Variants in FARP1 observed in about 807,000 individuals in gnomAD.
The protein encoded by FARP1 is FERM, ARHGEF and pleckstrin domain-containing protein 1.
A neutral mutation model predicts 128.8 loss-of-function variants in FARP1; 52 were observed. That is an observed-to-expected ratio of 0.40 (90% confidence interval 0.32 to 0.51). The LOEUF (loss-of-function observed/expected upper bound fraction) is 0.51, where lower values mean the gene tolerates loss of function less well. Among genes scored for constraint, FARP1 ranks in the 20% least tolerant of loss-of-function variants. The pLI is 0.45. For synonymous variants in FARP1, 580 were observed against 551.8 expected (o/e 1.05, Z -0.72); for missense variants, 1,333 against 1,367.9 (o/e 0.97, Z 0.40).
chr13:98,162,276 C>G (rs1306753983), intron 1 of FARP1, among the ~76,000 whole-genome samples: 1 of 152,266 alleles, frequency 6.6e-6, no homozygotes, highest in East Asian at 1.9e-4. Context: ...GTGTGCCATG[C>G]CTGCGTACAA....
chr13:98,295,091 AC>A (rs2139678170), intron 2 of FARP1, among the ~76,000 whole-genome samples: 1 of 59,700 alleles, frequency 1.7e-5, no homozygotes, highest in South Asian at 5.9e-4. Context: ...ACACACACAC[AC>A]ACACACACAC....
chr13:98,339,888 G>T (rs191343734), intron 2 of FARP1, among the ~76,000 whole-genome samples: 63 of 152,272 alleles, frequency 4.1e-4, no homozygotes, highest in Admixed American at 9.2e-4. Context: ...GCCCTAAGGA[G>T]TGTGCAGTGC....
chr13:98,271,291 G>A (rs980695288), intron 2 of FARP1, among the ~76,000 whole-genome samples: 6 of 152,116 alleles, frequency 3.9e-5, no homozygotes, highest in Non-Finnish European at 8.8e-5. Flanking sequence ...ACACGGTGAC[G>A]ACTTTTTTCC....
chr13:98,356,522 A>T (rs1456826488), intron 3 of FARP1, among the ~76,000 whole-genome samples: 1 of 152,134 alleles, frequency 6.6e-6, no homozygotes, highest in Non-Finnish European at 1.5e-5. Flanking sequence ...TTTCCTAATC[A>T]TGTATTTTAA....
At chr13:98,163,259 G>T (rs1202195074) in intron 1 of FARP1, among the ~76,000 whole-genome samples, 1 of 152,070 alleles carries the variant, frequency 6.6e-6, no homozygotes, top group Non-Finnish European at 1.5e-5. Context: ...ATAAGTGGGC[G>T]CTAAATGAAG....
intron 2 of FARP1, among the ~76,000 whole-genome samples, chr13:98,239,141 G>T (rs1290075064): frequency 6.6e-6 from 1 of 152,178 alleles, no homozygotes; most frequent in Admixed American, 6.5e-5. Flanking sequence ...CAGTTGTGGG[G>T]AAATAACACC....
In FARP1 at chr13:98,449,504, A is replaced by T. The variant is rs920639637; in HGVS notation, c.*1187A>T. 6.6e-6 allele frequency: 1 copy of T among 152,322 alleles called. No homozygotes were observed. Among genetic ancestry groups the T allele is most frequent in the African/African-American group, 2.4e-5 (1 of 41,364 alleles). The allele number at this position is 152,322 out of a possible 1,614,324, so 9.4% of individuals were successfully genotyped here. A position where few individuals can be genotyped will look rare whatever the true frequency, so the allele number is the denominator to read the frequency against. ...GCCCTTTCTAACGAGAGTCTCAAAC[A>T]AGCGGAGGCGAGGGCCAATTCAACC... On this transcript the variant is annotated 3_prime_UTR_variant, in exon 27 of 27. Transcript: ENST00000319562.
chr13:98,278,868 C>T (rs1472968274), intron 2 of FARP1, among the ~76,000 whole-genome samples: 1 of 152,072 alleles, frequency 6.6e-6, no homozygotes, highest in Non-Finnish European at 1.5e-5. Context: ...CTCTGTTGCC[C>T]AGGCTGGAGT....
intron 1 of FARP1, among the ~76,000 whole-genome samples, chr13:98,145,219 C>T (rs185925520): frequency 2.5e-4 from 38 of 152,228 alleles, no homozygotes; most frequent in African/African-American, 7.7e-4. Flanking sequence ...TGGAAACCCT[C>T]GGTGTGGAGG....
At chr13:98,201,027 G>T (rs1879908818) in intron 1 of FARP1, among the ~76,000 whole-genome samples, 1 of 152,188 alleles carries the variant, frequency 6.6e-6, no homozygotes, top group African/African-American at 2.4e-5. Context: ...TTTTCTTTGT[G>T]TTGGGGACAT....
At chr13:98,249,545 C>A (rs565312855) in intron 2 of FARP1, among the ~76,000 whole-genome samples, 5 of 152,280 alleles carry the variant, frequency 3.3e-5, no homozygotes, top group Admixed American at 2.0e-4. Flanking sequence ...TTCCTTGTGG[C>A]AACAGAGATA....
chr13:98,410,786 A>T lies in FARP1; in HGVS notation c.1655A>T (p.Glu552Val), dbSNP rs1469009079. 6.2e-7 allele frequency: 1 copy of T among 1,605,142 alleles called. No individual in the cohort carries two copies. Among genetic ancestry groups the T allele is most frequent in the Non-Finnish European group, 8.5e-7 (1 of 1,173,898 alleles). ...YFIAKEVSTTERTYLKDLEVI... is the reference protein window; with the variant it reads ...YFIAKEVSTTVRTYLKDLEVI... Reference sequence around the variant, plus strand: ...ATAGCTAAGGAAGTGTCTACCACCGAGCGAACATATCTGAAGGATCTCGAA... The same window carrying T: ...ATAGCTAAGGAAGTGTCTACCACCGTGCGAACATATCTGAAGGATCTCGAA... The change falls in exon 15 of 27, where the codon GAG becomes GTG. Residue 552 changes from glutamate (E) to valine (V), a missense_variant. Glu to Val is a moderately radical substitution (Grantham distance 121, BLOSUM62 -2). This residue lies in a region of FARP1 where 1,009 missense variants were observed against 969.8 expected (regional missense o/e 1.04). Transcript: ENST00000319562.
intron 19 of FARP1, 110 bp from the exon 20 acceptor site, chr13:98,438,694 G>A (rs1892396215): frequency 4.9e-6 from 4 of 823,560 alleles, no homozygotes; most frequent in East Asian, 2.5e-5. Context: ...CTGCACGCTC[G>A]CAGTCAGCCC....
chr13:98,227,219 G>A (rs1179892154), intron 2 of FARP1, among the ~76,000 whole-genome samples: 1 of 152,148 alleles, frequency 6.6e-6, no homozygotes, highest in African/African-American at 2.4e-5. Context: ...TGGGATAGCA[G>A]GCGTGAGCCA....
At chr13:98,383,267 G>A (rs528863322) in intron 6 of FARP1, among the ~76,000 whole-genome samples, 1 of 152,182 alleles carries the variant, frequency 6.6e-6, no homozygotes, top group Non-Finnish European at 1.5e-5. Flanking sequence ...ATGACCAGGC[G>A]TGCCCCCATT....
At chr13:98,265,004 C>A (rs1181217779) in intron 2 of FARP1, among the ~76,000 whole-genome samples, 2 of 152,252 alleles carry the variant, frequency 1.3e-5, no homozygotes, top group East Asian at 3.9e-4. Context: ...GGTACTCAGC[C>A]AGGCTTTGGG....
chr13:98,152,632 G>A (rs866755508), intron 1 of FARP1, among the ~76,000 whole-genome samples: 3 of 152,112 alleles, frequency 2.0e-5, no homozygotes, highest in Non-Finnish European at 4.4e-5. Flanking sequence ...TCACTTTCTC[G>A]TCGTACTTGA....
intron 16 of FARP1, among the ~76,000 whole-genome samples, chr13:98,422,062 T>C (rs564245995): frequency 6.6e-6 from 1 of 152,214 alleles, no homozygotes; most frequent in Admixed American, 6.5e-5. Context: ...AGGGCTTGTA[T>C]AGGAAGAAGT....
chr13:98,207,007 C>T (rs893185081), intron 1 of FARP1, among the ~76,000 whole-genome samples: 3 of 152,158 alleles, frequency 2.0e-5, no homozygotes, highest in Non-Finnish European at 2.9e-5. Flanking sequence ...ATCTGGAAGA[C>T]GGCATTTTAT....
Sources: allele counts gnomAD v4.1 joint callset (sites outside exome capture counted in the v4.1 genomes callset), GRCh38; gene constraint gnomAD v4.1.1; regional missense constraint gnomAD v4.1.1; transcripts MANE v1.5; gene names NCBI Gene and HGNC (gene_info 2026-07-23, HGNC 2026-07-21).